GGTLC1: variants seen among roughly 807,000 people sequenced by gnomAD.
GGTLC1 encodes the protein gamma-glutamyltransferase light chain 1, also known as glutathione hydrolase light chain 1.
A neutral mutation model predicts 19.5 loss-of-function variants in GGTLC1; 14 were observed. The observed-to-expected ratio is 0.72, with a 90% CI of 0.47 to 1.12. The LOEUF (loss-of-function observed/expected upper bound fraction) is 1.12, where lower values mean the gene tolerates loss of function less well. GGTLC1 is among the 50% of genes most tolerant of loss of function. GGTLC1 has a pLI of 0.00. For missense variants in GGTLC1, 304 were observed against 309.2 expected, an observed-to-expected ratio of 0.98 and a Z score of 0.13; for synonymous variants, 110 against 124.2, an observed-to-expected ratio of 0.89 and a Z score of 0.76.
In GGTLC1 at chr20:23,985,761, C is replaced by G. The variant is rs1194595609; in HGVS notation, c.437G>C (p.Trp146Ser). The G allele has an allele frequency of 6.2e-7, 1 of 1,612,044 alleles. No individual in the cohort carries two copies. Among genetic ancestry groups the G allele is most frequent in the Non-Finnish European group, 8.5e-7 (1 of 1,179,856 alleles). Reference protein sequence around the residue: ...ATALAIIYNLWFGYDVKWAVE... With the variant: ...ATALAIIYNLSFGYDVKWAVE... ...GGCCCACTTCACGTCATAGCCGAAC[C>G]AGAGGTTGTAGATGATGGCCTGGGG... The change falls in exon 5 of 6, where the codon TGG (tryptophan) becomes TCG (serine). Residue 146 changes from tryptophan to serine, a missense_variant. By Grantham distance (177) the Trp-to-Ser change is radical. Transcript: ENST00000335694.
chr20:23,985,347 G>T lies in GGTLC1; in HGVS notation c.547C>A (p.Leu183Met), dbSNP rs752999412. The change falls in exon 6 of 6, where the codon CTG becomes ATG. Residue 183 changes from leucine (L) to methionine (M), a missense_variant. By Grantham distance (15) the Leu-to-Met change is conservative. Transcript: ENST00000335694. ...RNIDQEVTAA[L>M]ETRHHHTQIT... ...TGGGTGTGATGGTGCCGGGTCTCCA[G>T]GGCTGCAGTCACTTCCTGGGGGTGG... 2 of 1,611,884 alleles carry T rather than the reference G, an allele frequency of 1.2e-6. No individual in the cohort carries two copies. The highest frequency in any genetic ancestry group is 8.5e-7 in the Non-Finnish European group (1 of 1,179,860).
chr20:23,985,101 A>G lies in GGTLC1; in HGVS notation c.*115T>C. On this transcript the variant is annotated 3_prime_UTR_variant, in exon 6 of 6. Coordinates refer to ENST00000335694, the MANE Select transcript of GGTLC1 (RefSeq NM_178311.3). ...ACCTGGAGCCTGGCACAGTGGCCTC[A>G]TTTATTGTGCTGCTCTGCTGCTCAC... 1.3e-6 allele frequency: 2 copies of G among 1,513,258 alleles called. No homozygotes were observed. Among genetic ancestry groups the G allele is most frequent in the South Asian group, 2.4e-5 (2 of 82,970 alleles). 93.7% of individuals were successfully genotyped at this position (1,513,258 alleles called of 1,614,324 possible).
intron 2 of GGTLC1, 39 bp downstream of exon 2, chr20:23,986,397 C>G: frequency 6.2e-7 from 1 of 1,608,212 alleles, no homozygotes; most frequent in Non-Finnish European, 8.5e-7. Context: ...GCCACCCTCC[C>G]CTGGCCCTTT....
chr20:23,988,420 C>T (rs897657696), intron 1 of GGTLC1, among the ~76,000 whole-genome samples, 189 bp downstream of exon 1: 7 of 152,042 alleles, frequency 4.6e-5, no homozygotes, highest in Non-Finnish European at 7.4e-5. Context: ...ATGGCGCGAT[C>T]TCAGCTCACT....
chr20:23,987,749 C>G (rs112670304), intron 1 of GGTLC1, among the ~76,000 whole-genome samples: 3 of 151,410 alleles, frequency 2.0e-5, no homozygotes, highest in African/African-American at 7.3e-5. Context: ...GTTTCAACAC[C>G]GGGCGCGGTG....
chr20:23,986,588 G>T lies in GGTLC1; in HGVS notation c.24C>A (p.Ala8=). Residue 8 remains alanine (A), a synonymous_variant, in exon 2 of 6, where the codon GCC becomes GCA. Coordinates refer to ENST00000335694, the MANE Select transcript of GGTLC1 (RefSeq NM_178311.3). The part of the protein sequence containing the change: MTSEFFS[A]QLRAQISDDT... ...CGTCAGAGATCTGGGCCCGGAGCTG[G>T]GCAGAGAAGAACTCGGAGGTCATGT... 1 of 1,611,538 alleles carries T rather than the reference G, an allele frequency of 6.2e-7. No homozygotes were observed. The highest frequency in any genetic ancestry group is 1.3e-5 in the African/African-American group (1 of 74,868).
chr20:23,985,145 A>C lies in GGTLC1; in HGVS notation c.*71T>G. ...TGCTCACAGGAGAAGCCTGTCCCCC[A>C]AAGTCCTCTTCCTCGTCCTGGTGAG... On this transcript the variant is annotated 3_prime_UTR_variant, in exon 6 of 6. Coordinates refer to ENST00000335694, the MANE Select transcript of GGTLC1 (RefSeq NM_178311.3). 1.2e-6 allele frequency: 2 copies of C among 1,605,640 alleles called. No homozygotes were observed. Among genetic ancestry groups the C allele is most frequent in the Non-Finnish European group, 1.7e-6 (2 of 1,176,350 alleles).
chr20:23,988,324 G>A (rs1240340209), intron 1 of GGTLC1, among the ~76,000 whole-genome samples: 3 of 151,356 alleles, frequency 2.0e-5, no homozygotes, highest in Admixed American at 2.0e-4. Flanking sequence ...AGGATTATAG[G>A]CATAAGCCAC....
chr20:23,985,941 A>G lies in GGTLC1; in HGVS notation c.338T>C (p.Ile113Thr), dbSNP rs1258084520. The change falls in exon 4 of 6, where the codon ATC (isoleucine) becomes ACC (threonine). Residue 113 changes from isoleucine to threonine, a missense_variant. Physicochemically the swap from Ile to Thr is moderately conservative, Grantham distance 89. Transcript: ENST00000335694. ...GACCTGGCCGTCCTGGCCCACCATG[A>G]TCGTCGGGCACATGGACGAGAGCGG... is the stretch of plus-strand genomic sequence containing the variant. ...KQPLSSMCPT[I>T]MVGQDGQVRM... 3 of 1,611,954 alleles carry G rather than the reference A, an allele frequency of 1.9e-6. No homozygotes were observed. The highest frequency in any genetic ancestry group is 1.1e-5 in the South Asian group (1 of 90,992).
chr20:23,987,765 C>G (rs1420750367), intron 1 of GGTLC1, among the ~76,000 whole-genome samples: 3 of 151,246 alleles, frequency 2.0e-5, no homozygotes, highest in Non-Finnish European at 1.5e-5. Flanking sequence ...CGGTGGCTCA[C>G]GGCTGTAATC....
At position 23,985,466 on chromosome 20, in the gene GGTLC1, AG is replaced by A; in HGVS notation, c.532-105del. 2.5e-6 allele frequency: 4 copies of A among 1,606,362 alleles called. No homozygotes were observed. The East Asian group carries it at 8.9e-5, about 36-fold the overall frequency. On this transcript the variant is annotated intron_variant, in intron 5 of 5. Transcript: ENST00000335694. ...AGCCCAGGTGGTGCCATTTCAGGCC[AG>A]GTCATCAGGAAGAGCAGGTTGGGGC...
intron 2 of GGTLC1, 83 bp from the exon 3 acceptor site, chr20:23,986,286 T>G: frequency 6.3e-7 from 1 of 1,599,752 alleles, no homozygotes; most frequent in East Asian, 2.2e-5. Flanking sequence ...TCAAACATAC[T>G]CACTGAGAGG....
In GGTLC1 at chr20:23,985,946, C is replaced by T. The variant is rs572213972; in HGVS notation, c.333G>A (p.Pro111=). 9.1e-5 allele frequency: 147 copies of T among 1,611,988 alleles called. No homozygotes were observed. Among genetic ancestry groups the T allele is most frequent in the Admixed American group, 4.2e-4 (25 of 60,020 alleles). Residue 111 remains proline, a synonymous_variant, in exon 4 of 6, where the codon CCG becomes CCA. Coordinates refer to ENST00000335694, the MANE Select transcript of GGTLC1 (RefSeq NM_178311.3). ...GGCCGTCCTGGCCCACCATGATCGT[C>T]GGGCACATGGACGAGAGCGGCTGCT... ...PGKQPLSSMC[P]TIMVGQDGQV...
chr20:23,987,756 G>C (rs1988019120), intron 1 of GGTLC1, among the ~76,000 whole-genome samples: 1 of 151,374 alleles, frequency 6.6e-6, no homozygotes, highest in Admixed American at 6.6e-5. Context: ...CACCGGGCGC[G>C]GTGGCTCACG....
At chr20:23,986,361 T>G (rs559376634) in intron 2 of GGTLC1, 75 bp downstream of exon 2, 1 of 1,599,388 alleles carries the variant, frequency 6.3e-7, no homozygotes, top group East Asian at 2.3e-5. Flanking sequence ...TGGAGCCACC[T>G]TACTGGATAA....
rs769362656 is a variant in GGTLC1 at position 23,985,714 on chromosome 20, T to C, written c.484A>G (p.Asn162Asp). 4.5e-5 allele frequency: 73 copies of C among 1,611,906 alleles called. No homozygotes were observed. Among genetic ancestry groups the C allele is most frequent in the Non-Finnish European group, 6.2e-5 (73 of 1,179,862 alleles). Residue 162 changes from asparagine to aspartate, a missense_variant, in exon 5 of 6, where the codon AAC becomes GAC. By Grantham distance (23) the Asn-to-Asp change is conservative. Transcript: ENST00000335694. ...KWAVEEPRLH[N>D]QLLPNVTTVE... The stretch of plus-strand genomic sequence containing the variant: ...GTCGTGACGTTGGGCAGAAGCTGGT[T>C]GTGCAGCCGGGGCTCCTCCACGGCC...
intron 1 of GGTLC1, chr20:23,986,953 C>T: frequency 3.0e-6 from 2 of 662,092 alleles, no homozygotes; most frequent in Non-Finnish European, 4.6e-6. Context: ...AGGAAACAGA[C>T]ACTTAGGTCC....
At chr20:23,986,942 T>C in intron 1 of GGTLC1, 2 of 770,372 alleles carry the variant, frequency 2.6e-6, no homozygotes, top group Non-Finnish European at 3.8e-6. Context: ...GGGGAATCAA[T>C]AGGAAACAGA....
chr20:23,987,855 C>T lies in GGTLC1; in HGVS notation c.-35+754G>A, dbSNP rs1001420836. Among the ~76,000 whole-genome samples the T allele has an allele frequency of 3.0e-3, 455 of 149,482 alleles. 1 individual carries two copies. Among genetic ancestry groups the T allele is most frequent in the African/African-American group, 0.011 (442 of 40,440 alleles). On this transcript the variant is annotated intron_variant, in intron 1 of 5. Coordinates refer to ENST00000335694, the MANE Select transcript of GGTLC1 (RefSeq NM_178311.3). ...ACGACGTCAGGAGATCGAGACCATC[C>T]TGGCTAACACAGTGAAACCCCGTCT...
Sources: gnomAD v4.1 joint callset for allele counts (sites outside exome capture counted in the v4.1 genomes callset) on GRCh38, gnomAD v4.1.1 for gene constraint, MANE v1.5 for transcripts, NCBI Gene and HGNC (gene_info 2026-07-23, HGNC 2026-07-21) for gene names.